GNG4: variants seen among roughly 807,000 people sequenced by gnomAD.
GNG4 encodes G protein subunit gamma 4.
Under a neutral mutation model 5.8 loss-of-function variants are expected in GNG4, and 4 were observed. The observed-to-expected ratio is 0.69, with a 90% CI of 0.34 to 1.57. The LOEUF is 1.57. GNG4 is among the 40% of genes most tolerant of loss of function. The probability of loss-of-function intolerance (pLI) is 0.06; values close to 1 mark genes in which losing one functional copy is unlikely to be tolerated. For missense variants in GNG4, 96 were observed against 95.1 expected (o/e 1.01, Z -0.04); for synonymous variants, 29 against 32.9 (o/e 0.88, Z 0.41).
rs576052706 is a variant in GNG4, at chr1:235,598,020, T to G, written c.-122-2509A>C. On this transcript the variant is annotated intron_variant, in intron 1 of 3. Coordinates refer to ENST00000391854, the MANE Select transcript of GNG4 (RefSeq NM_001098722.2). The stretch of plus-strand genomic sequence containing the variant: ...GGCAACTGGCTTCCCTGACTCTGGC[T>G]ACCCAAGACCCCACCCAGAGGGCTG... Among the ~76,000 whole-genome samples the G allele has an allele frequency of 1.3e-4, 20 of 152,268 alleles. No homozygotes were observed. The South Asian group carries it at 3.9e-3, about 30-fold the overall frequency.
intron 3 of GNG4, among the ~76,000 whole-genome samples, chr1:235,572,675 C>T (rs1027716541): frequency 6.7e-6 from 1 of 149,924 alleles, no homozygotes; most frequent in Non-Finnish European, 1.5e-5. Context: ...AATTTTTGTA[C>T]GTTTAGTAGA....
At chr1:235,606,188 G>A (rs1436512783) in intron 1 of GNG4, among the ~76,000 whole-genome samples, 3 of 152,032 alleles carry the variant, frequency 2.0e-5, no homozygotes, top group African/African-American at 7.3e-5. Flanking sequence ...GACCAGCCTG[G>A]CCTGAACATA....
chr1:235,631,784 T>TCC lies in GNG4; in HGVS notation c.-123+17877_-123+17878insGG, dbSNP rs1400308219. On this transcript the variant is annotated intron_variant, in intron 1 of 3. Transcript: ENST00000391854. ...GGTTTCACCATGTTGGCCAGGCTGG[T>TCC]CTTGAACTCCTGACCTCAGGTGATC... is the stretch of plus-strand genomic sequence containing the variant. Among the ~76,000 whole-genome samples the TCC allele has an allele frequency of 2.1e-3, 316 of 152,224 alleles. 3 individuals carry two copies. Among genetic ancestry groups the TCC allele is most frequent in the Admixed American group, 0.018 (275 of 15,280 alleles).
rs935463520 is a variant in GNG4 at position 235,551,061 on chromosome 1, G to A, written c.*1048C>T. 6.5e-6 allele frequency: 1 copy of A among 152,678 alleles called. No individual in the cohort carries two copies. Among genetic ancestry groups the A allele is most frequent in the Admixed American group, 6.5e-5 (1 of 15,294 alleles). The allele number at this position is 152,678 out of a possible 1,614,324, so 9.5% of individuals were successfully genotyped here. On this transcript the variant is annotated 3_prime_UTR_variant, in exon 4 of 4. Transcript: ENST00000391854. ...GAGCCAAAAGAGGAGGGAGCAGGAA[G>A]AGGTGGCATTTGGAGAGGGGAGACC... is the stretch of plus-strand genomic sequence containing the variant.
chr1:235,582,580 GC>G (rs756998874), intron 3 of GNG4, among the ~76,000 whole-genome samples: 2 of 152,216 alleles, frequency 1.3e-5, no homozygotes, highest in Non-Finnish European at 2.9e-5. Flanking sequence ...AGCACGGGAT[GC>G]CTGCAGCTTT....
chr1:235,593,212 T>A (rs2003229), intron 2 of GNG4, among the ~76,000 whole-genome samples: 1 of 152,084 alleles, frequency 6.6e-6, no homozygotes, highest in Non-Finnish European at 1.5e-5. Flanking sequence ...GCCTCCCAAA[T>A]TGCTGGAATT....
Position 235,600,100 on chromosome 1 carries a change from C to CTTTTTTTTTTTTT in GNG4, c.-122-4602_-122-4590dup, listed in dbSNP as rs533853180. On this transcript the variant is annotated intron_variant, in intron 1 of 3. Transcript: ENST00000391854. Reference sequence around the variant, plus strand: ...TCCTTTATCTGGTTGCGGAAGAAAGCTTTTTTTTTTTTTTTTTTTTTTTTT... The same window carrying CTTTTTTTTTTTTT: ...TCCTTTATCTGGTTGCGGAAGAAAGCTTTTTTTTTTTTTTTTTTTTTTTTTTTTTTTTTTTTTT... Among the ~76,000 whole-genome samples, 30 of 43,138 alleles carry CTTTTTTTTTTTTT rather than the reference C, an allele frequency of 7.0e-4. 8 individuals carry two copies. The highest frequency in any genetic ancestry group is 2.0e-3 in the African/African-American group (19 of 9,718). The allele number at this position is 43,138 out of a possible 152,430, so 28.3% of individuals were successfully genotyped here. A position where few individuals can be genotyped will look rare whatever the true frequency, so the allele number is the denominator to read the frequency against.
chr1:235,626,958 C>CAAA lies in GNG4; in HGVS notation c.-123+22701_-123+22703dup, dbSNP rs776506587. 1.6e-3 allele frequency among the ~76,000 whole-genome samples: 123 copies of CAAA among 77,360 alleles called. 4 individuals are homozygous for CAAA. The highest frequency in any genetic ancestry group is 2.3e-3 in the East Asian group (3 of 1,280). The allele number at this position is 77,360 out of a possible 152,430, so 50.8% of individuals were successfully genotyped here. On this transcript the variant is annotated intron_variant, in intron 1 of 3. Coordinates refer to ENST00000391854, the MANE Select transcript of GNG4 (RefSeq NM_001098722.2). ...TGGGTGACAGAGTGAGACTCTATCT[C>CAAA]AAAAAAAAAAAAAAAAAAAAAAAAA...
intron 3 of GNG4, among the ~76,000 whole-genome samples, chr1:235,562,215 T>TA (rs1213440034): frequency 6.6e-6 from 1 of 152,246 alleles, no homozygotes; most frequent in African/African-American, 2.4e-5. Context: ...TGTAGTTTTA[T>TA]AGTAAGTCTT....
chr1:235,624,787 C>CA (rs1236417250), intron 1 of GNG4, among the ~76,000 whole-genome samples: 3 of 152,136 alleles, frequency 2.0e-5, no homozygotes, highest in Admixed American at 2.0e-4. Flanking sequence ...CCTTTGGCTC[C>CA]ACTACCATTT....
At chr1:235,610,054 T>C (rs1688448191) in intron 1 of GNG4, among the ~76,000 whole-genome samples, 1 of 152,172 alleles carries the variant, frequency 6.6e-6, no homozygotes, top group Admixed American at 6.6e-5. Context: ...TATTCAGATT[T>C]CATCAAATGC....
chr1:235,625,479 A>C (rs940357491), intron 1 of GNG4, among the ~76,000 whole-genome samples: 1 of 152,184 alleles, frequency 6.6e-6, no homozygotes, highest in Admixed American at 6.5e-5. Context: ...CACTCTTGGC[A>C]CTGCACATTC....
intron 1 of GNG4, among the ~76,000 whole-genome samples, chr1:235,643,358 C>T (rs1396423336): frequency 8.5e-5 from 13 of 152,170 alleles, no homozygotes; most frequent in African/African-American, 2.7e-4. Flanking sequence ...TCAAGACTCC[C>T]TCTGTTGTCA....
intron 3 of GNG4, among the ~76,000 whole-genome samples, chr1:235,573,459 G>A (rs1051808086): frequency 6.6e-6 from 1 of 151,478 alleles, no homozygotes; most frequent in Non-Finnish European, 1.5e-5. Flanking sequence ...ATGTACCCTA[G>A]AACTTAAAGT....
chr1:235,594,514 C>T (rs1036245232), intron 2 of GNG4, among the ~76,000 whole-genome samples: 1 of 152,206 alleles, frequency 6.6e-6, no homozygotes, highest in African/African-American at 2.4e-5. Context: ...TCAGGCCGTG[C>T]AGGAGCCCAT....
At chr1:235,634,206 T>C (rs1010773141) in intron 1 of GNG4, among the ~76,000 whole-genome samples, 4 of 152,042 alleles carry the variant, frequency 2.6e-5, no homozygotes, top group Admixed American at 6.5e-5. Context: ...GTGTCACGAG[T>C]GGTTACTGTC....
intron 1 of GNG4, among the ~76,000 whole-genome samples, chr1:235,620,908 CT>C (rs1688699145): frequency 6.6e-6 from 1 of 152,192 alleles, no homozygotes; most frequent in African/African-American, 2.4e-5. Context: ...CTTTTCACCC[CT>C]GGCATTAGTA....
intron 1 of GNG4, among the ~76,000 whole-genome samples, chr1:235,600,441 TA>T (rs1191137065): frequency 2.0e-5 from 1 of 50,298 alleles, no homozygotes; most frequent in Non-Finnish European, 3.8e-5. Flanking sequence ...TGTGTGTGTA[TA>T]TGTGTGTGTG....
intron 2 of GNG4, among the ~76,000 whole-genome samples, chr1:235,587,415 TG>T (rs1412887535): frequency 6.6e-5 from 2 of 30,090 alleles, no homozygotes; most frequent in African/African-American, 1.5e-4. Context: ...GGGTGAGGGG[TG>T]GGGGTGTGTG....
Sources: allele counts gnomAD v4.1 joint callset (sites outside exome capture counted in the v4.1 genomes callset), GRCh38; gene constraint gnomAD v4.1.1; transcripts MANE v1.5; gene names NCBI Gene and HGNC (gene_info 2026-07-23, HGNC 2026-07-21).